The following SKOR1 variants were observed in gnomAD, a reference collection of about 807,000 sequenced individuals.
SKOR1 encodes the protein LBX1 corepressor 1.
A neutral mutation model predicts 72.4 loss-of-function variants in SKOR1; 38 were observed. The observed-to-expected ratio is 0.52, with a 90% CI of 0.40 to 0.69. The LOEUF (loss-of-function observed/expected upper bound fraction) is 0.69. Ranked by LOEUF, SKOR1 falls within the 30% of genes least tolerant of loss-of-function variation. The probability of loss-of-function intolerance (pLI) is 0.00; values close to 1 mark genes in which losing one functional copy is unlikely to be tolerated. For missense variants in SKOR1, 1,320 were observed against 1,343.2 expected, an observed-to-expected ratio of 0.98 and a Z score of 0.27; for synonymous variants, 642 against 599.4, an observed-to-expected ratio of 1.07 and a Z score of -1.04.
Position 67,827,101 on chromosome 15 carries a change from A to G in SKOR1, c.1273A>G (p.Thr425Ala). Residue 425 changes from threonine (T) to alanine (A), a missense_variant, in exon 2 of 9, where the codon ACT becomes GCT. Thr to Ala is a moderately conservative substitution (Grantham distance 58). This residue lies in a region of SKOR1 where 1,099 missense variants were observed against 1,025.5 expected (regional missense o/e 1.07). Coordinates refer to ENST00000380035, the MANE Select transcript of SKOR1 (RefSeq NM_001365915.1). ...GAGEPKGGPG[T>A]GSGGGGAGTG... ...GGGCGAGCCAAAGGGCGGTCCTGGCACTGGGAGCGGCGGCGGCGGCGCGGG... is the reference window on the plus strand; with the variant it reads ...GGGCGAGCCAAAGGGCGGTCCTGGCGCTGGGAGCGGCGGCGGCGGCGCGGG... 3 of 1,450,250 alleles carry G rather than the reference A, an allele frequency of 2.1e-6. No individual in the cohort carries two copies. The highest frequency in any genetic ancestry group is 2.7e-6 in the Non-Finnish European group (3 of 1,110,042). 89.8% of individuals were successfully genotyped at this position (1,450,250 alleles called of 1,614,324 possible). A position where few individuals can be genotyped will look rare whatever the true frequency, so the allele number is the denominator to read the frequency against.
At position 67,829,168 on chromosome 15, in the gene SKOR1, G is replaced by C; in HGVS notation, c.2317-11G>C. ...CCACCCTAATCGCCTGTCATTTCTC[G>C]GCCGTCGCAGGTGTTCGCGCCCGAG... is the stretch of plus-strand genomic sequence containing the variant. On this transcript the variant is annotated splice_polypyrimidine_tract_variant and intron_variant, in intron 2 of 8. Transcript: ENST00000380035. The C allele has an allele frequency of 6.5e-7, 1 of 1,537,916 alleles. No individual in the cohort carries two copies. Among genetic ancestry groups the C allele is most frequent in the South Asian group, 1.2e-5 (1 of 84,658 alleles).
Position 67,827,675 on chromosome 15 carries a change from A to G in SKOR1, c.1847A>G (p.Tyr616Cys). 6.5e-7 allele frequency: 1 copy of G among 1,532,288 alleles called. No individual in the cohort carries two copies. Among genetic ancestry groups the G allele is most frequent in the Non-Finnish European group, 8.8e-7 (1 of 1,141,446 alleles). The allele number at this position is 1,532,288 out of a possible 1,614,324, so 94.9% of individuals were successfully genotyped here. A position where few individuals can be genotyped will look rare whatever the true frequency, so the allele number is the denominator to read the frequency against. Residue 616 changes from tyrosine (Y) to cysteine (C), a missense_variant, in exon 2 of 9, where the codon TAC (tyrosine) becomes TGC (cysteine). Tyr to Cys is a radical substitution (Grantham distance 194, BLOSUM62 -2). Coordinates refer to ENST00000380035, the MANE Select transcript of SKOR1 (RefSeq NM_001365915.1). ...CTCTACGGGAGCGCCCGGGAGGCGT[A>G]CGGCGCGGGGCCTGCTCGGGGGCCG... Reference protein sequence around the residue: ...AKLYGSAREAYGAGPARGPGP... With the variant: ...AKLYGSAREACGAGPARGPGP...
In SKOR1 at chr15:67,831,910, G is replaced by GC. The variant is rs1488678369; in HGVS notation, c.2588-364_2588-363insC. Among the ~76,000 whole-genome samples, 6 of 147,468 alleles carry GC rather than the reference G, an allele frequency of 4.1e-5. No homozygotes were observed. In the East Asian group the frequency reaches 7.8e-4, roughly 19 times the overall value. On this transcript the variant is annotated intron_variant, in intron 5 of 8. Coordinates refer to ENST00000380035, the MANE Select transcript of SKOR1 (RefSeq NM_001365915.1). ...ATTGAAAGGGCGGCGGTGCGGGGGGGGGAGGTCGGGGCCGGGGCGGGGGCG... is the reference window on the plus strand; with the variant it reads ...ATTGAAAGGGCGGCGGTGCGGGGGGGCGGAGGTCGGGGCCGGGGCGGGGGCG...
intron 2 of SKOR1, 84 bp from the exon 3 acceptor site, chr15:67,829,095 C>G (rs969852932): frequency 7.6e-7 from 1 of 1,309,268 alleles, no homozygotes; most frequent in Non-Finnish European, 1.0e-6. Context: ...TCGGCTTTCC[C>G]TCTTGGCCGC....
chr15:67,830,728 C>G, intron 4 of SKOR1, 90 bp from the exon 5 acceptor site: 1 of 1,255,900 alleles, frequency 8.0e-7, no homozygotes, highest in Non-Finnish European at 1.2e-6. Context: ...GGGTAGGTCC[C>G]TGATTCGATG....
rs2090981055 is a variant in SKOR1, at chr15:67,828,210, G to A, written c.2316+66G>A. The A allele has an allele frequency of 1.8e-5, 24 of 1,363,506 alleles. No homozygotes were observed. In the South Asian group the frequency reaches 3.5e-4, roughly 20 times the overall value. 84.5% of individuals were successfully genotyped at this position (1,363,506 alleles called of 1,614,324 possible). Reference sequence around the variant, plus strand: ...TACCCTGTGCGCGGCAGGGCTGCGGGGCCGGGCGGAGAACGGGAATTTTGT... The same window carrying A: ...TACCCTGTGCGCGGCAGGGCTGCGGAGCCGGGCGGAGAACGGGAATTTTGT... On this transcript the variant is annotated intron_variant, in intron 2 of 8. Coordinates refer to ENST00000380035, the MANE Select transcript of SKOR1 (RefSeq NM_001365915.1).
chr15:67,833,978 G>T lies in SKOR1; in HGVS notation c.*142G>T. ...CCGCCCGTCCGCCCGCCTTCCTCCC[G>T]GGCTCCCCGGCCTTGCCCGCCCCCT... On this transcript the variant is annotated 3_prime_UTR_variant, in exon 9 of 9. Transcript: ENST00000380035. This position sits in a 1 kb window ranked among gnomAD's most constrained non-coding sequence, Gnocchi z 6.0. 1.1e-6 allele frequency: 1 copy of T among 950,416 alleles called. No homozygotes were observed. Among genetic ancestry groups the T allele is most frequent in the East Asian group, 2.6e-5 (1 of 38,196 alleles). The allele number at this position is 950,416 out of a possible 1,614,324, so 58.9% of individuals were successfully genotyped here. A position where few individuals can be genotyped will look rare whatever the true frequency, so the allele number is the denominator to read the frequency against.
chr15:67,833,626 G>T lies in SKOR1; in HGVS notation c.2804-116G>T, dbSNP rs1470170849. ...CCTCCTGCCTCCTCCTGATCCGCTC[G>T]GTTGAGATTCCCTGACCCCAAAGGG... is the stretch of plus-strand genomic sequence containing the variant. On this transcript the variant is annotated intron_variant, in intron 8 of 8. Coordinates refer to ENST00000380035, the MANE Select transcript of SKOR1 (RefSeq NM_001365915.1). The surrounding 1 kb of genome is among the most constrained non-coding windows in gnomAD (Gnocchi z 6.0). 6.5e-6 allele frequency: 7 copies of T among 1,083,700 alleles called. No individual in the cohort carries two copies. Among genetic ancestry groups the T allele is most frequent in the Middle Eastern group, 4.0e-4 (2 of 5,050 alleles). The allele number at this position is 1,083,700 out of a possible 1,614,324, so 67.1% of individuals were successfully genotyped here.
Position 67,833,195 on chromosome 15 carries a change from C to T in SKOR1, c.2741C>T (p.Thr914Ile). The change falls in exon 8 of 9, where the codon ACC (threonine) becomes ATC (isoleucine). Residue 914 changes from threonine to isoleucine, a missense_variant. Transcript: ENST00000380035. This position sits in a 1 kb window ranked among gnomAD's most constrained non-coding sequence, Gnocchi z 6.0. ...MVQQLQIVRD[T>I]LCNELDQERK... ...GGCCCCTCCCCTTGTCTTCCAGATA[C>T]CCTGTGTAACGAACTCGACCAGGAG... 6.2e-7 allele frequency: 1 copy of T among 1,614,094 alleles called. No homozygotes were observed. Among genetic ancestry groups the T allele is most frequent in the Non-Finnish European group, 8.5e-7 (1 of 1,180,004 alleles).
At chr15:67,829,071 C>G in intron 2 of SKOR1, 108 bp from the exon 3 acceptor site, 1 of 1,020,278 alleles carries the variant, frequency 9.8e-7, no homozygotes, top group Non-Finnish European at 1.4e-6. Context: ...GGCGCACCAA[C>G]CTTTGCCACT....
Position 67,832,516 on chromosome 15 carries a change from G to T in SKOR1, c.2663-91G>T. ...AGGCGAATGGCTGGGTGGGAGTTGG[G>T]GGTAGGGGTGAAAGGGGGGGCCAGG... On this transcript the variant is annotated intron_variant, in intron 6 of 8. Transcript: ENST00000380035. This position sits in a 1 kb window ranked among gnomAD's most constrained non-coding sequence, Gnocchi z 4.5. 4 of 1,351,010 alleles carry T rather than the reference G, an allele frequency of 3.0e-6. No individual in the cohort carries two copies. Among genetic ancestry groups the T allele is most frequent in the East Asian group, 2.3e-5 (1 of 42,930 alleles). The allele number at this position is 1,351,010 out of a possible 1,614,324, so 83.7% of individuals were successfully genotyped here. A position where few individuals can be genotyped will look rare whatever the true frequency, so the allele number is the denominator to read the frequency against.
intron 4 of SKOR1, 66 bp from the exon 5 acceptor site, chr15:67,830,751 AG>A: frequency 6.7e-7 from 1 of 1,484,728 alleles, no homozygotes; most frequent in Non-Finnish European, 9.4e-7. Context: ...GTTCCTGGGA[AG>A]CTCACCCCTC....
rs2091022463 is a variant in SKOR1, at chr15:67,833,235, T to C, written c.2781T>C (p.Tyr927=). Residue 927 remains tyrosine (Y), a synonymous_variant, in exon 8 of 9, where the codon TAT becomes TAC. Coordinates refer to ENST00000380035, the MANE Select transcript of SKOR1 (RefSeq NM_001365915.1). This position sits in a 1 kb window ranked among gnomAD's most constrained non-coding sequence, Gnocchi z 6.0. ...NELDQERKAR[Y]AIQQKLKEAH... ...TCGACCAGGAGCGGAAGGCGCGCTA[T>C]GCCATCCAGCAGAAATTGAAAGGTG... 6.2e-7 allele frequency: 1 copy of C among 1,614,106 alleles called. No homozygotes were observed. The highest frequency in any genetic ancestry group is 8.5e-7 in the Non-Finnish European group (1 of 1,180,012).
Position 67,828,048 on chromosome 15 carries a change from C to A in SKOR1, c.2220C>A (p.Asp740Glu). The change falls in exon 2 of 9, where the codon GAC becomes GAA. Residue 740 changes from aspartate to glutamate, a missense_variant. By Grantham distance (45) the Asp-to-Glu change is conservative (BLOSUM62 2). Around this residue, in one of 3 missense-constraint regions of SKOR1, gnomAD observed 1,099 missense variants for 1,025.5 expected, o/e 1.07. Transcript: ENST00000380035. ...RPAFGDLAAE[D>E]LVRRPERSPP... ...CATTTGGGGACTTGGCAGCCGAAGA[C>A]TTGGTGCGGAGACCTGAGAGGAGCC... The A allele has an allele frequency of 6.5e-7, 1 of 1,539,058 alleles. No individual in the cohort carries two copies. Among genetic ancestry groups the A allele is most frequent in the Non-Finnish European group, 8.7e-7 (1 of 1,144,920 alleles).
chr15:67,833,786 C>A lies in SKOR1; in HGVS notation c.2848C>A (p.Pro950Thr). The A allele has an allele frequency of 6.2e-7, 1 of 1,613,282 alleles. No individual in the cohort carries two copies. Among genetic ancestry groups the A allele is most frequent in the Non-Finnish European group, 8.5e-7 (1 of 1,180,040 alleles). ...LHHFSCKMLT[P>T]RHCTGNCSFK... ...CCATTTCTCCTGCAAGATGCTGACG[C>A]CCCGCCACTGCACTGGCAACTGCTC... The change falls in exon 9 of 9, where the codon CCC becomes ACC. Residue 950 changes from proline to threonine, a missense_variant. Coordinates refer to ENST00000380035, the MANE Select transcript of SKOR1 (RefSeq NM_001365915.1). The surrounding 1 kb of genome is among the most constrained non-coding windows in gnomAD (Gnocchi z 6.0).
In SKOR1 at chr15:67,825,679, T is replaced by A. The variant is rs2141364619; in HGVS notation, c.77T>A (p.Ile26Asn). The part of the protein sequence containing the change: ...VSLPSQSENG[I>N]GFLAARAFLR... ...CTTCCTTCCCAATCCGAAAACGGGA[T>A]TGGGTTCCTTGCAGCCCGGGCATTC... Residue 26 changes from isoleucine (I) to asparagine (N), a missense_variant, in exon 1 of 9, where the codon ATT becomes AAT. Transcript: ENST00000380035. This position sits in a 1 kb window ranked among gnomAD's most constrained non-coding sequence, Gnocchi z 5.6. 2 of 729,446 alleles carry A rather than the reference T, an allele frequency of 2.7e-6. No individual in the cohort carries two copies. The highest frequency in any genetic ancestry group is 5.4e-5 in the East Asian group (2 of 37,282). 45.2% of individuals were successfully genotyped at this position (729,446 alleles called of 1,614,324 possible). A position where few individuals can be genotyped will look rare whatever the true frequency, so the allele number is the denominator to read the frequency against.
Position 67,828,071 on chromosome 15 carries a change from G to C in SKOR1, c.2243G>C (p.Ser748Thr). The C allele has an allele frequency of 6.5e-7, 1 of 1,529,320 alleles. No homozygotes were observed. Among genetic ancestry groups the C allele is most frequent in the Non-Finnish European group, 8.8e-7 (1 of 1,142,246 alleles). 94.7% of individuals were successfully genotyped at this position (1,529,320 alleles called of 1,614,324 possible). The change falls in exon 2 of 9, where the codon AGC becomes ACC. Residue 748 changes from serine (S) to threonine (T), a missense_variant. Coordinates refer to ENST00000380035, the MANE Select transcript of SKOR1 (RefSeq NM_001365915.1). ...GACTTGGTGCGGAGACCTGAGAGGAGCCCGCCAAGCGGCGGCGGCGGCTAC... is the reference window on the plus strand; with the variant it reads ...GACTTGGTGCGGAGACCTGAGAGGACCCCGCCAAGCGGCGGCGGCGGCTAC... ...AEDLVRRPER[S>T]PPSGGGGYEL...
chr15:67,832,895 T>G lies in SKOR1; in HGVS notation c.2737+214T>G. ...CATCATTACATGGAGTGATTGAACT[T>G]CTTATCGCGGCAATTTCCATGGTTT... On this transcript the variant is annotated intron_variant, in intron 7 of 8. Transcript: ENST00000380035. The surrounding 1 kb of genome is among the most constrained non-coding windows in gnomAD (Gnocchi z 4.5). 2 of 600,230 alleles carry G rather than the reference T, an allele frequency of 3.3e-6. No homozygotes were observed. Among genetic ancestry groups the G allele is most frequent in the Non-Finnish European group, 5.9e-6 (2 of 339,664 alleles). 37.2% of individuals were successfully genotyped at this position (600,230 alleles called of 1,614,324 possible).
rs1210457785 is a variant in SKOR1 at position 67,825,955 on chromosome 15, C to G, written c.127C>G (p.Leu43Val). ...TCGCAGGAGCGGCGGCATGGAGGCT[C>G]TCACCACTCAGCTGGGGCCGGGGCG... Reference protein sequence around the residue: ...AFLRSGGMEALTTQLGPGREG... With the variant: ...AFLRSGGMEAVTTQLGPGREG... The change falls in exon 2 of 9, where the codon CTC becomes GTC. Residue 43 changes from leucine to valine, a missense_variant. Leu to Val is a conservative substitution (Grantham distance 32). Transcript: ENST00000380035. This position sits in a 1 kb window ranked among gnomAD's most constrained non-coding sequence, Gnocchi z 5.6. 1.2e-5 allele frequency: 18 copies of G among 1,520,052 alleles called. No individual in the cohort carries two copies. Among genetic ancestry groups the G allele is most frequent in the Non-Finnish European group, 1.6e-5 (18 of 1,136,150 alleles). 94.2% of individuals were successfully genotyped at this position (1,520,052 alleles called of 1,614,324 possible).
Sources: allele counts gnomAD v4.1 joint callset (sites outside exome capture counted in the v4.1 genomes callset), GRCh38; gene constraint gnomAD v4.1.1; regional missense constraint gnomAD v4.1.1; non-coding constraint Gnocchi (gnomAD v3.1); transcripts MANE v1.5; gene names NCBI Gene and HGNC (gene_info 2026-07-23, HGNC 2026-07-21).